The following SINHCAF variants were observed in gnomAD, a reference collection of about 807,000 sequenced individuals.
The protein encoded by SINHCAF is SIN3-HDAC complex-associated factor.
A neutral mutation model predicts 25.8 loss-of-function variants in SINHCAF; 3 were observed. That is an observed-to-expected ratio of 0.12 (90% CI 0.05 to 0.30). The LOEUF is 0.30. SINHCAF is among the 10% of genes least tolerant of loss of function. The probability of loss-of-function intolerance (pLI) is 1.00; values close to 1 mark genes in which losing one functional copy is unlikely to be tolerated. For synonymous variants in SINHCAF, 70 were observed against 85.5 expected (o/e 0.82, Z 1.00); for missense variants, 121 against 262.3 (o/e 0.46, Z 3.72).
chr12:31,295,654 G>C (rs904673723), intron 2 of SINHCAF, among the ~76,000 whole-genome samples: 1 of 152,154 alleles, frequency 6.6e-6, no homozygotes, highest in Admixed American at 6.5e-5. Flanking sequence ...TGGATCACTT[G>C]AGGTCAGGAG....
At chr12:31,289,666 T>G (rs1938222547) in intron 4 of SINHCAF, among the ~76,000 whole-genome samples, 1 of 152,142 alleles carries the variant, frequency 6.6e-6, no homozygotes, top group African/African-American at 2.4e-5. Context: ...ACCATACACC[T>G]TGCCCATCCC....
rs1257854493 is a variant in SINHCAF at position 31,282,622 on chromosome 12, C to CA, written c.*89dup. ...GGGTAACAAGAGCAAAACTCCGTCT[C>CA]AAAAAAAAAAGAGGGTCAGTTTGTA... On this transcript the variant is annotated 3_prime_UTR_variant, in exon 6 of 6. Transcript: ENST00000337682. 0.02 allele frequency: 20,170 copies of CA among 1,002,408 alleles called. No homozygotes were observed. The highest frequency in any genetic ancestry group is 0.027 in the South Asian group (1,356 of 50,942). 62.1% of individuals were successfully genotyped at this position (1,002,408 alleles called of 1,614,324 possible).
chr12:31,324,565 C>G lies in SINHCAF; in HGVS notation c.-21+1459G>C, dbSNP rs949875362. On this transcript the variant is annotated intron_variant, in intron 1 of 5. Coordinates refer to ENST00000337682, the MANE Select transcript of SINHCAF (RefSeq NM_001135812.2). The surrounding 1 kb of genome is among the most constrained non-coding windows in gnomAD (Gnocchi z 5.5). ...GGACAAAAGCCCCTCCCGAAACTCGCCCGAACTTCGAGGGCCTCCGACCTG... is the reference window on the plus strand; with the variant it reads ...GGACAAAAGCCCCTCCCGAAACTCGGCCGAACTTCGAGGGCCTCCGACCTG... 1 of 173,956 alleles carries G rather than the reference C, an allele frequency of 5.7e-6. No individual in the cohort carries two copies. Among genetic ancestry groups the G allele is most frequent in the Non-Finnish European group, 1.2e-5 (1 of 81,236 alleles). The allele number at this position is 173,956 out of a possible 1,614,324, so 10.8% of individuals were successfully genotyped here.
chr12:31,290,333 G>A (rs1478229489), intron 4 of SINHCAF, among the ~76,000 whole-genome samples: 1 of 151,930 alleles, frequency 6.6e-6, no homozygotes, highest in African/African-American at 2.4e-5. Context: ...TAGTAGACAG[G>A]ATTTCGCCAT....
chr12:31,287,852 A>T (rs1938142755), intron 4 of SINHCAF, 68 bp from the exon 5 acceptor site: 5 of 1,126,222 alleles, frequency 4.4e-6, no homozygotes, highest in Non-Finnish European at 6.2e-6. Context: ...ACTAAACCTC[A>T]GCATAAGACA....
Position 31,324,976 on chromosome 12 carries a change from G to A in SINHCAF, c.-21+1048C>T, listed in dbSNP as rs940683296. The A allele has an allele frequency of 8.8e-6, 4 of 456,508 alleles. No individual in the cohort carries two copies. Among genetic ancestry groups the A allele is most frequent in the African/African-American group, 6.0e-5 (3 of 50,102 alleles). The allele number at this position is 456,508 out of a possible 1,614,324, so 28.3% of individuals were successfully genotyped here. A position where few individuals can be genotyped will look rare whatever the true frequency, so the allele number is the denominator to read the frequency against. On this transcript the variant is annotated intron_variant, in intron 1 of 5. Coordinates refer to ENST00000337682, the MANE Select transcript of SINHCAF (RefSeq NM_001135812.2). The surrounding 1 kb of genome is among the most constrained non-coding windows in gnomAD (Gnocchi z 5.5). ...CGGCCGGACCTGCCCGACGGCGGCC[G>A]CATCCCACGGCTCACGCGGGGCTGG... is the stretch of plus-strand genomic sequence containing the variant.
At chr12:31,314,618 G>T (rs533333112) in intron 1 of SINHCAF, among the ~76,000 whole-genome samples, 2 of 151,950 alleles carry the variant, frequency 1.3e-5, no homozygotes, top group South Asian at 2.1e-4. Context: ...TTTTTAATAG[G>T]AGAGTATATT....
At chr12:31,314,124 C>A (rs1939399932) in intron 1 of SINHCAF, among the ~76,000 whole-genome samples, 1 of 151,996 alleles carries the variant, frequency 6.6e-6, no homozygotes, top group African/African-American at 2.4e-5. Context: ...ACAACAAGAG[C>A]AGGGGCCTTT....
intron 1 of SINHCAF, among the ~76,000 whole-genome samples, chr12:31,300,963 A>G (rs1288151875): frequency 6.6e-6 from 1 of 152,150 alleles, no homozygotes; most frequent in African/African-American, 2.4e-5. Flanking sequence ...ACCAAATCCT[A>G]TTACGACAGA....
Position 31,324,024 on chromosome 12 carries a change from T to C in SINHCAF, c.-21+2000A>G. 1 of 455,488 alleles carries C rather than the reference T, an allele frequency of 2.2e-6. No homozygotes were observed. The highest frequency in any genetic ancestry group is 4.4e-6 in the Non-Finnish European group (1 of 226,782). 28.2% of individuals were successfully genotyped at this position (455,488 alleles called of 1,614,324 possible). A position where few individuals can be genotyped will look rare whatever the true frequency, so the allele number is the denominator to read the frequency against. Reference sequence around the variant, plus strand: ...CGAGCCAGCAAGTAAGAATGCTCCCTGGTGGATTTGTTGGTAAATAAGACA... The same window carrying C: ...CGAGCCAGCAAGTAAGAATGCTCCCCGGTGGATTTGTTGGTAAATAAGACA... On this transcript the variant is annotated intron_variant, in intron 1 of 5. Coordinates refer to ENST00000337682, the MANE Select transcript of SINHCAF (RefSeq NM_001135812.2). This position sits in a 1 kb window ranked among gnomAD's most constrained non-coding sequence, Gnocchi z 5.5.
At chr12:31,303,710 G>A (rs1466306973) in intron 1 of SINHCAF, 2 of 152,164 alleles carry the variant, frequency 1.3e-5, no homozygotes, top group East Asian at 3.9e-4. Context: ...CTATATCAAG[G>A]TTTGAGATCC....
At chr12:31,284,464 T>C (rs1301003970) in intron 5 of SINHCAF, among the ~76,000 whole-genome samples, 1 of 152,222 alleles carries the variant, frequency 6.6e-6, no homozygotes, top group Non-Finnish European at 1.5e-5. Flanking sequence ...ATTTTCTTTA[T>C]GGTATTATTT....
chr12:31,293,398 T>C (rs1200260602), intron 4 of SINHCAF, among the ~76,000 whole-genome samples: 1 of 152,222 alleles, frequency 6.6e-6, no homozygotes, highest in Non-Finnish European at 1.5e-5. Flanking sequence ...ATGTGCGTTA[T>C]GATTTCTAAA....
At chr12:31,313,061 G>A (rs1408408513) in intron 1 of SINHCAF, among the ~76,000 whole-genome samples, 2 of 151,978 alleles carry the variant, frequency 1.3e-5, no homozygotes, top group African/African-American at 4.8e-5. Context: ...TTTTGCTCTC[G>A]TTGCCCAGGC....
chr12:31,293,087 T>A (rs1352047664), intron 4 of SINHCAF, among the ~76,000 whole-genome samples: 1 of 152,212 alleles, frequency 6.6e-6, no homozygotes, highest in African/African-American at 2.4e-5. Flanking sequence ...CCACTAAATG[T>A]GAATACTGCT....
chr12:31,295,219 G>C lies in SINHCAF; in HGVS notation c.228+15C>G. The C allele has an allele frequency of 6.5e-7, 1 of 1,537,736 alleles. No individual in the cohort carries two copies. Among genetic ancestry groups the C allele is most frequent in the East Asian group, 2.3e-5 (1 of 44,406 alleles). ...CAGTAGAGGTATAATTGAGAAAAAA[G>C]AAAGATGGACTAACATGATTCCAGT... On this transcript the variant is annotated intron_variant, in intron 3 of 5. Transcript: ENST00000337682.
intron 1 of SINHCAF, among the ~76,000 whole-genome samples, chr12:31,302,171 A>T (rs1326036572): frequency 6.6e-6 from 1 of 152,152 alleles, no homozygotes; most frequent in African/African-American, 2.4e-5. Flanking sequence ...TTGGGGAAAG[A>T]AGAGGAAAAT....
chr12:31,312,688 G>T (rs1487302075), intron 1 of SINHCAF, among the ~76,000 whole-genome samples: 1 of 152,120 alleles, frequency 6.6e-6, no homozygotes, highest in Non-Finnish European at 1.5e-5. Context: ...GTGGTTATAT[G>T]TTTCATAGAT....
At chr12:31,285,613 T>C (rs959515017) in intron 5 of SINHCAF, among the ~76,000 whole-genome samples, 4 of 152,126 alleles carry the variant, frequency 2.6e-5, no homozygotes, top group African/African-American at 9.7e-5. Context: ...CTACTTACTA[T>C]GTAACCTTAA....
Sources: gnomAD v4.1 joint callset for allele counts (sites outside exome capture counted in the v4.1 genomes callset) on GRCh38, gnomAD v4.1.1 for gene constraint, Gnocchi (gnomAD v3.1) non-coding constraint, MANE v1.5 for transcripts, NCBI Gene and HGNC (gene_info 2026-07-23, HGNC 2026-07-21) for gene names.